Variants in ATP5MC2 observed in about 807,000 individuals in gnomAD.
ATP5MC2 encodes the protein ATP synthase F(0) complex subunit C2, mitochondrial.
ATP5MC2 carries 11 observed loss-of-function variants against 13.5 expected under a neutral mutation model. That is an observed-to-expected ratio of 0.81 (90% CI 0.51 to 1.35). ATP5MC2 has a LOEUF of 1.35. Ranked by LOEUF, ATP5MC2 falls within the 40% of genes most tolerant of loss-of-function variation. The probability of loss-of-function intolerance (pLI) is 0.00; values close to 1 mark genes in which losing one functional copy is unlikely to be tolerated. For synonymous variants in ATP5MC2, 64 were observed against 69.7 expected (o/e 0.92, Z 0.41); for missense variants, 132 against 175.0 (o/e 0.75, Z 1.39).
Position 53,672,567 on chromosome 12 carries a change from G to C in ATP5MC2, c.39+9C>G, listed in dbSNP as rs1201195993. 8.3e-6 allele frequency: 13 copies of C among 1,568,806 alleles called. No individual in the cohort carries two copies. Among genetic ancestry groups the C allele is most frequent in the South Asian group, 1.2e-5 (1 of 85,352 alleles). On this transcript the variant is annotated intron_variant, in intron 2 of 4. Coordinates refer to ENST00000394349, the MANE Select transcript of ATP5MC2 (RefSeq NM_005176.7). ...CCTTTAAAACTCTCCCAGAAAAGCA[G>C]GTACTCACCAAGGAGGGAGTGGAGA...
chr12:53,669,766 T>TTA lies in ATP5MC2; in HGVS notation c.117+103_117+104dup, dbSNP rs937183606. ...CCATGGCCTTGGCCATTCATGAATTTTAGCCTGTGATGACTGTCCTCAGCA... is the reference window on the plus strand; with the variant it reads ...CCATGGCCTTGGCCATTCATGAATTTTATAGCCTGTGATGACTGTCCTCAGCA... On this transcript the variant is annotated intron_variant, in intron 3 of 4. Coordinates refer to ENST00000394349, the MANE Select transcript of ATP5MC2 (RefSeq NM_005176.7). 92 of 1,228,438 alleles carry TTA rather than the reference T, an allele frequency of 7.5e-5. No homozygotes were observed. The Middle Eastern group carries it at 1.1e-3, about 14-fold the overall frequency. The allele number at this position is 1,228,438 out of a possible 1,614,324, so 76.1% of individuals were successfully genotyped here. A position where few individuals can be genotyped will look rare whatever the true frequency, so the allele number is the denominator to read the frequency against.
chr12:53,675,272 A>G (rs1206175218), intron 1 of ATP5MC2, among the ~76,000 whole-genome samples: 1 of 152,210 alleles, frequency 6.6e-6, no homozygotes, highest in East Asian at 1.9e-4. Flanking sequence ...AATCCTTCAC[A>G]GGAAAGCTGG....
upstream of ATP5MC2, chr12:53,676,326 A>G (rs183208747): frequency 6.8e-5 from 94 of 1,387,324 alleles, no homozygotes; most frequent in East Asian, 1.4e-3. Flanking sequence ...CGTAACGTGG[A>G]CTGCGGTTTG....
chr12:53,674,163 C>G (rs1298583846), intron 1 of ATP5MC2: 1 of 152,126 alleles, frequency 6.6e-6, no homozygotes, highest in Non-Finnish European at 1.5e-5. Context: ...CCTGGGCAAA[C>G]ATCAAGACCT....
At chr12:53,672,688 A>G (rs765351849) in intron 1 of ATP5MC2, 43 bp from the exon 2 acceptor site, 4 of 1,534,094 alleles carry the variant, frequency 2.6e-6, no homozygotes, top group Non-Finnish European at 2.7e-6. Context: ...CTTATTCACT[A>G]AACTATATCC....
At chr12:53,668,879 C>T (rs1945010207) in intron 4 of ATP5MC2, among the ~76,000 whole-genome samples, 1 of 151,844 alleles carries the variant, frequency 6.6e-6, no homozygotes, top group Non-Finnish European at 1.5e-5. Flanking sequence ...ATTAGGTGGG[C>T]GTCATTGTGT....
At chr12:53,680,677 A>G (rs1945335588), upstream of ATP5MC2, among the ~76,000 whole-genome samples, 1 of 142,042 alleles carries the variant, frequency 7.0e-6, no homozygotes, top group African/African-American at 2.6e-5. Flanking sequence ...AAAAAATAAA[A>G]ACAAAATGTT....
At chr12:53,667,868 A>G (rs575525342) in intron 4 of ATP5MC2, among the ~76,000 whole-genome samples, 2 of 151,240 alleles carry the variant, frequency 1.3e-5, no homozygotes, top group East Asian at 3.9e-4. Context: ...TTAGTTTGCC[A>G]ACACATGCTC....
upstream of ATP5MC2, among the ~76,000 whole-genome samples, chr12:53,678,267 C>T (rs567505999): frequency 6.6e-6 from 1 of 152,216 alleles, no homozygotes; most frequent in African/African-American, 2.4e-5. Context: ...TGGGATAATA[C>T]ATATGAAGCT....
chr12:53,669,977 AG>A, intron 2 of ATP5MC2, 29 bp from the exon 3 acceptor site: 1 of 1,608,370 alleles, frequency 6.2e-7, no homozygotes, highest in Non-Finnish European at 8.5e-7. Flanking sequence ...AGGGGCAGGA[AG>A]GTCAAGGAAG....
chr12:53,668,406 C>G (rs575680621), intron 4 of ATP5MC2, among the ~76,000 whole-genome samples: 1 of 151,702 alleles, frequency 6.6e-6, no homozygotes, highest in Non-Finnish European at 1.5e-5. Context: ...CGGGTTCAAG[C>G]GATTCTTCTG....
chr12:53,675,992 A>C (rs1945253595), intron 1 of ATP5MC2, 61 bp downstream of exon 1: 2 of 1,587,006 alleles, frequency 1.3e-6, no homozygotes, highest in East Asian at 2.2e-5. Context: ...GCATCCGCGC[A>C]AGGTGAGGTG....
intron 4 of ATP5MC2, among the ~76,000 whole-genome samples, chr12:53,668,782 G>A (rs1945007947): frequency 6.6e-6 from 1 of 151,970 alleles, no homozygotes; most frequent in South Asian, 2.1e-4. Context: ...AGTTAGGGAG[G>A]CCGAGGCAGG....
At chr12:53,672,101 A>ATAAAATAAAATAAAATAAAAT (rs1304385416) in intron 2 of ATP5MC2, among the ~76,000 whole-genome samples, 9 of 150,464 alleles carry the variant, frequency 6.0e-5, no homozygotes, top group African/African-American at 2.2e-4. Context: ...AAAAAAAAAA[A>ATAAAATAAAATAAAATAAAAT]AAAATTAACT....
chr12:53,677,963 C>T (rs931806950), upstream of ATP5MC2, among the ~76,000 whole-genome samples: 2 of 152,234 alleles, frequency 1.3e-5, no homozygotes, highest in African/African-American at 2.4e-5. Flanking sequence ...CCACCACCCC[C>T]AAACGGCTGT....
intron 1 of ATP5MC2, 81 bp downstream of exon 1, chr12:53,675,972 G>C: frequency 6.4e-7 from 1 of 1,557,888 alleles, no homozygotes; most frequent in Non-Finnish European, 8.7e-7. Flanking sequence ...CGCAAGGTAA[G>C]CGCCTCAAAG....
rs1320612760 is a variant in ATP5MC2 at position 53,669,865 on chromosome 12, A to G, written c.117+6T>C. The G allele has an allele frequency of 6.2e-7, 1 of 1,613,820 alleles. No homozygotes were observed. Among genetic ancestry groups the G allele is most frequent in the East Asian group, 2.2e-5 (1 of 44,878 alleles). ...AAACCACAGTCCCAACTCCACTGTA[A>G]GGTACCTCATCTGTCAGTATCTCCG... On this transcript the variant is annotated splice_donor_region_variant and intron_variant, in intron 3 of 4. Transcript: ENST00000394349.
upstream of ATP5MC2, among the ~76,000 whole-genome samples, chr12:53,680,493 A>G (rs1438703679): frequency 3.3e-5 from 5 of 152,196 alleles, no homozygotes; most frequent in Non-Finnish European, 7.3e-5. Flanking sequence ...ACTTCAAGCT[A>G]GAATAGTCAA....
rs1945137001 is a variant in ATP5MC2, at chr12:53,672,660, G to A, written c.-31-15C>T. 1 of 1,564,976 alleles carries A rather than the reference G, an allele frequency of 6.4e-7. No homozygotes were observed. Among genetic ancestry groups the A allele is most frequent in the Non-Finnish European group, 8.7e-7 (1 of 1,153,682 alleles). On this transcript the variant is annotated splice_polypyrimidine_tract_variant and intron_variant, in intron 1 of 4. Coordinates refer to ENST00000394349, the MANE Select transcript of ATP5MC2 (RefSeq NM_005176.7). ...TGGCAGGAGAGCTGGAATTACAGAA[G>A]CAGTATTGTAAACGCTCCTTATTCA...
Sources: allele counts gnomAD v4.1 joint callset (sites outside exome capture counted in the v4.1 genomes callset), GRCh38; gene constraint gnomAD v4.1.1; transcripts MANE v1.5; gene names NCBI Gene and HGNC (gene_info 2026-07-23, HGNC 2026-07-21).